Variants in MAF observed in about 807,000 individuals in gnomAD.
MAF encodes the protein transcription factor Maf.
A neutral mutation model predicts 22.0 loss-of-function variants in MAF; 10 were observed. The ratio of observed to expected loss-of-function variants is 0.45; its 90% CI spans 0.28 to 0.77. The LOEUF is 0.77. Among genes scored for constraint, MAF ranks in the 30% least tolerant of loss-of-function variants. The pLI is 0.12. For missense variants in MAF, 544 were observed against 548.4 expected, an observed-to-expected ratio of 0.99 and a Z score of 0.08; for synonymous variants, 337 against 255.8, an observed-to-expected ratio of 1.32 and a Z score of -3.03.
At chr16:79,211,042 T>A in the MAF span, among the ~76,000 whole-genome samples, 5 of 151,840 alleles carry the variant, frequency 3.3e-5, no homozygotes, top group African/African-American at 1.2e-4. Context: ...GGAGTGTGTG[T>A]GTGTGTGTGT....
At chr16:79,344,182 A>C in the MAF span, among the ~76,000 whole-genome samples, 38 of 152,202 alleles carry the variant, frequency 2.5e-4, no homozygotes, top group Non-Finnish European at 4.4e-4. Flanking sequence ...TGAAAATTGC[A>C]TCTATACTGC....
chr16:79,520,393 G>A, the MAF span, among the ~76,000 whole-genome samples: 1 of 152,074 alleles, frequency 6.6e-6, no homozygotes, highest in Non-Finnish European at 1.5e-5. Flanking sequence ...CTCATCACCA[G>A]GAGCTGGCCC....
chr16:79,301,184 G>T, the MAF span, among the ~76,000 whole-genome samples: 1 of 152,150 alleles, frequency 6.6e-6, no homozygotes, highest in South Asian at 2.1e-4. Context: ...GCAGGTGTCA[G>T]ATTTGTTTTC....
the MAF span, among the ~76,000 whole-genome samples, chr16:79,531,312 T>A: frequency 6.6e-6 from 1 of 152,124 alleles, no homozygotes; most frequent in Non-Finnish European, 1.5e-5. Flanking sequence ...TGGGAATCTT[T>A]AAGTTCTCTA....
the MAF span, among the ~76,000 whole-genome samples, chr16:79,487,426 C>T: frequency 0.73 from 110,915 of 151,926 alleles, 41,533 homozygotes; most frequent in East Asian, 0.86. Flanking sequence ...GTGGGCCTAT[C>T]ATGCACTTAA....
the MAF span, among the ~76,000 whole-genome samples, chr16:79,529,898 T>A: frequency 7.2e-6 from 1 of 139,256 alleles, no homozygotes; most frequent in Non-Finnish European, 1.6e-5. Context: ...GAGGCGGAGG[T>A]TGCAGTGATC....
At chr16:79,211,592 C>G in the MAF span, 1 of 1,613,936 alleles carries the variant, frequency 6.2e-7, no homozygotes, top group African/African-American at 1.3e-5. Flanking sequence ...TTTTGTCTTT[C>G]TTCTTGGATT....
chr16:79,283,363 G>C, the MAF span, among the ~76,000 whole-genome samples: 5 of 152,208 alleles, frequency 3.3e-5, no homozygotes, highest in Non-Finnish European at 7.3e-5. Context: ...CTTTGGGCTA[G>C]AATTTGCAAT....
At chr16:79,311,847 G>C in the MAF span, among the ~76,000 whole-genome samples, 4 of 152,150 alleles carry the variant, frequency 2.6e-5, no homozygotes, top group African/African-American at 9.7e-5. Context: ...AGGACGGAGT[G>C]AACGCATCCC....
the MAF span, chr16:79,229,190 A>G: frequency 4.0e-5 from 6 of 151,844 alleles, no homozygotes; most frequent in Non-Finnish European, 5.9e-5. Context: ...GATAAAGGCC[A>G]CAGCCGGAAT....
At chr16:79,456,042 A>C in the MAF span, among the ~76,000 whole-genome samples, 2,761 of 152,288 alleles carry the variant, frequency 0.018, 69 homozygotes, top group South Asian at 0.064. Flanking sequence ...AAAAAAATAA[A>C]TAAAAACAAA....
the MAF span, among the ~76,000 whole-genome samples, chr16:79,550,697 G>C: frequency 6.6e-6 from 1 of 152,152 alleles, no homozygotes; most frequent in Non-Finnish European, 1.5e-5. Flanking sequence ...TTATTGCTGG[G>C]TAGAATTTGC....
chr16:79,428,498 G>C, the MAF span, among the ~76,000 whole-genome samples: 70 of 152,280 alleles, frequency 4.6e-4, no homozygotes, highest in Non-Finnish European at 6.9e-4. Context: ...GAGATAGAGA[G>C]AGACAGAGAG....
the MAF span, among the ~76,000 whole-genome samples, chr16:79,509,462 G>A: frequency 6.6e-6 from 1 of 152,232 alleles, no homozygotes; most frequent in Non-Finnish European, 1.5e-5. Flanking sequence ...ACACAGCTTG[G>A]CTGGCAAGGA....
chr16:79,401,989 C>A, the MAF span, among the ~76,000 whole-genome samples: 31 of 152,192 alleles, frequency 2.0e-4, no homozygotes, highest in Non-Finnish European at 3.8e-4. Flanking sequence ...AGATGAGGAC[C>A]CTGAGGCCAA....
At chr16:79,511,096 G>A in the MAF span, among the ~76,000 whole-genome samples, 1 of 43,994 alleles carries the variant, frequency 2.3e-5, no homozygotes, top group East Asian at 1.3e-3. Flanking sequence ...ATCTCCCCGC[G>A]CACAATGGCG....
At chr16:79,236,784 A>C in the MAF span, among the ~76,000 whole-genome samples, 1 of 151,830 alleles carries the variant, frequency 6.6e-6, no homozygotes, top group Admixed American at 6.6e-5. Context: ...GTTCGTTCTT[A>C]TTAGGAGTTA....
the MAF span, among the ~76,000 whole-genome samples, chr16:79,475,695 A>G: frequency 7.2e-5 from 11 of 152,102 alleles, no homozygotes; most frequent in African/African-American, 2.7e-4. Flanking sequence ...GTGCATTTCA[A>G]TGTATATAAA....
chr16:79,259,749 GGT>G, the MAF span, among the ~76,000 whole-genome samples: 1 of 152,276 alleles, frequency 6.6e-6, no homozygotes, highest in African/African-American at 2.4e-5. Flanking sequence ...AGAGTCCAGT[GGT>G]GGGGACAGAC....
Sources: gnomAD v4.1 joint callset for allele counts (sites outside exome capture counted in the v4.1 genomes callset) on GRCh38, gnomAD v4.1.1 for gene constraint, MANE v1.5 for transcripts, NCBI Gene and HGNC (gene_info 2026-07-23, HGNC 2026-07-21) for gene names.